GAP43: variants seen among roughly 807,000 people sequenced by gnomAD.
GAP43 encodes the protein growth associated protein 43.
Under a neutral mutation model 18.6 loss-of-function variants are expected in GAP43, and 6 were observed. The ratio of observed to expected loss-of-function variants is 0.32; its 90% CI spans 0.18 to 0.64. The LOEUF is 0.64. Among genes scored for constraint, GAP43 ranks in the 30% least tolerant of loss-of-function variants. The pLI, the probability that GAP43 is intolerant of heterozygous loss-of-function variation, is 0.78. For synonymous variants in GAP43, 115 were observed against 111.4 expected (o/e 1.03, Z -0.20); for missense variants, 292 against 295.5 (o/e 0.99, Z 0.09).
rs766183010 is a variant in GAP43 at position 115,676,227 on chromosome 3, G to C, written c.245G>C (p.Gly82Ala). 1.2e-6 allele frequency: 2 copies of C among 1,614,188 alleles called. No individual in the cohort carries two copies. The highest frequency in any genetic ancestry group is 3.3e-5 in the Admixed American group (2 of 60,032). ...APVADGVEKKGEGTTTAEAAP... is the reference protein window; with the variant it reads ...APVADGVEKKAEGTTTAEAAP... ...GTTGCCGATGGGGTGGAGAAGAAGGGAGAAGGCACCACTACTGCCGAAGCA... is the reference window on the plus strand; with the variant it reads ...GTTGCCGATGGGGTGGAGAAGAAGGCAGAAGGCACCACTACTGCCGAAGCA... The change falls in exon 2 of 3, where the codon GGA (glycine) becomes GCA (alanine). Residue 82 changes from glycine to alanine, a missense_variant. Gly to Ala is a moderately conservative substitution (Grantham distance 60). Transcript: ENST00000305124.
In GAP43 at chr3:115,646,849, C is replaced by G. The variant is rs1576981035; in HGVS notation, c.30+23130C>G. Among the ~76,000 whole-genome samples, 6 of 152,050 alleles carry G rather than the reference C, an allele frequency of 3.9e-5. No homozygotes were observed. In the South Asian group the frequency reaches 1.2e-3, roughly 32 times the overall value. ...TGTCAGAAACCCTCTTCTCACTTCA[C>G]TTTATATATTAAGTATCTCTTTTCA... is the stretch of plus-strand genomic sequence containing the variant. On this transcript the variant is annotated intron_variant, in intron 1 of 2. Transcript: ENST00000305124.
chr3:115,701,635 G>C (rs1376266184), intron 2 of GAP43, among the ~76,000 whole-genome samples: 1 of 151,978 alleles, frequency 6.6e-6, no homozygotes, highest in Non-Finnish European at 1.5e-5. Flanking sequence ...AGGCTGTATT[G>C]TTGGCTGACA....
At chr3:115,709,519 T>G (rs1709407902) in intron 2 of GAP43, among the ~76,000 whole-genome samples, 1 of 152,230 alleles carries the variant, frequency 6.6e-6, no homozygotes, top group Non-Finnish European at 1.5e-5. Flanking sequence ...AAACTTCTTT[T>G]CAGAGTGTTA....
Position 115,676,131 on chromosome 3 carries a change from A to C in GAP43, c.149A>C (p.Lys50Thr). 6.2e-7 allele frequency: 1 copy of C among 1,614,190 alleles called. No individual in the cohort carries two copies. Among genetic ancestry groups the C allele is most frequent in the Non-Finnish European group, 8.5e-7 (1 of 1,180,030 alleles). ...TTCCGTGGACACATAACAAGGAAAA[A>C]GCTCAAAGGAGAGAAGAAGGATGAT... ...ASFRGHITRK[K>T]LKGEKKDDVQ... The change falls in exon 2 of 3, where the codon AAG becomes ACG. Residue 50 changes from lysine (K) to threonine (T), a missense_variant. Lys to Thr is a moderately conservative substitution (Grantham distance 78). Coordinates refer to ENST00000305124, the MANE Select transcript of GAP43 (RefSeq NM_002045.4).
rs998714115 is a variant in GAP43 at position 115,647,153 on chromosome 3, C to A, written c.30+23434C>A. 2.8e-5 allele frequency among the ~76,000 whole-genome samples: 4 copies of A among 142,034 alleles called. No individual in the cohort carries two copies. The Admixed American group carries it at 2.9e-4, about 10-fold the overall frequency. The allele number at this position is 142,034 out of a possible 152,430, so 93.2% of individuals were successfully genotyped here. A position where few individuals can be genotyped will look rare whatever the true frequency, so the allele number is the denominator to read the frequency against. ...GAAGCCCTTATGAATGGGATTAGTG[C>A]CCTTTTAAAGAGACCCCATAGAGCT... is the stretch of plus-strand genomic sequence containing the variant. On this transcript the variant is annotated intron_variant, in intron 1 of 2. Transcript: ENST00000305124.
chr3:115,710,976 C>T (rs1238464189), intron 2 of GAP43, among the ~76,000 whole-genome samples: 1 of 152,104 alleles, frequency 6.6e-6, no homozygotes, highest in Non-Finnish European at 1.5e-5. Context: ...ATGTCATCTG[C>T]CCCAGTCTCC....
Position 115,690,602 on chromosome 3 carries a change from T to C in GAP43, c.628+13992T>C, listed in dbSNP as rs182028733. ...GTGATGAGGATTTAATGAGGTAACA[T>C]ATTTAAAGAACCAGGTATAGAGTAG... On this transcript the variant is annotated intron_variant, in intron 2 of 2. Coordinates refer to ENST00000305124, the MANE Select transcript of GAP43 (RefSeq NM_002045.4). Among the ~76,000 whole-genome samples the C allele has an allele frequency of 3.8e-3, 574 of 152,228 alleles. 3 individuals are homozygous for C. Among genetic ancestry groups the C allele is most frequent in the African/African-American group, 0.013 (533 of 41,532 alleles).
chr3:115,690,728 GCA>G (rs1709098803), intron 2 of GAP43, among the ~76,000 whole-genome samples: 1 of 149,608 alleles, frequency 6.7e-6, no homozygotes, highest in Non-Finnish European at 1.5e-5. Context: ...GATCCTCTGG[GCA>G]AATCTTTTTT....
intron 2 of GAP43, among the ~76,000 whole-genome samples, chr3:115,716,714 AC>A (rs1709506976): frequency 3.1e-5 from 2 of 63,998 alleles, no homozygotes; most frequent in Non-Finnish European, 6.3e-5. Flanking sequence ...TTAATCTCAG[AC>A]AAATATATAT....
intron 1 of GAP43, among the ~76,000 whole-genome samples, chr3:115,650,981 A>C (rs1708513497): frequency 6.6e-6 from 1 of 152,102 alleles, no homozygotes; most frequent in Non-Finnish European, 1.5e-5. Flanking sequence ...AAAATAAAAA[A>C]ATTAGCTGGG....
At chr3:115,715,129 GTCACC>G (rs1709488348) in intron 2 of GAP43, among the ~76,000 whole-genome samples, 1 of 152,056 alleles carries the variant, frequency 6.6e-6, no homozygotes, top group South Asian at 2.1e-4. Flanking sequence ...TCCTAATGCC[GTCACC>G]TTAGGGGGTT....
intron 1 of GAP43, among the ~76,000 whole-genome samples, chr3:115,634,543 A>G (rs796446518): frequency 3.9e-5 from 6 of 152,246 alleles, no homozygotes; most frequent in African/African-American, 1.4e-4. Context: ...CGGGAGGCTG[A>G]GGCTGGAAGA....
intron 1 of GAP43, among the ~76,000 whole-genome samples, chr3:115,668,524 A>G (rs952305886): frequency 6.6e-6 from 1 of 152,126 alleles, no homozygotes; most frequent in Non-Finnish European, 1.5e-5. Context: ...TCCTGGGTTC[A>G]AGCAATTCTC....
chr3:115,654,760 C>T (rs1332251761), intron 1 of GAP43, among the ~76,000 whole-genome samples: 1 of 152,112 alleles, frequency 6.6e-6, no homozygotes, highest in Non-Finnish European at 1.5e-5. Context: ...TAATTATATC[C>T]ACTGCTGCAA....
Position 115,697,051 on chromosome 3 carries a change from A to T in GAP43, c.628+20441A>T, listed in dbSNP as rs148547529. 5.9e-4 allele frequency among the ~76,000 whole-genome samples: 90 copies of T among 151,924 alleles called. 1 individual carries two copies. The highest frequency in any genetic ancestry group is 2.2e-3 in the African/African-American group (90 of 41,436). The stretch of plus-strand genomic sequence containing the variant: ...ATGGGGCTCCACCATATTGGTCAGG[A>T]TGGTCTCAAACTCCTGACCTCAAGT... On this transcript the variant is annotated intron_variant, in intron 2 of 2. Coordinates refer to ENST00000305124, the MANE Select transcript of GAP43 (RefSeq NM_002045.4).
At chr3:115,696,242 C>T (rs1404368235) in intron 2 of GAP43, among the ~76,000 whole-genome samples, 1 of 152,034 alleles carries the variant, frequency 6.6e-6, no homozygotes, top group African/African-American at 2.4e-5. Flanking sequence ...GAACTTACTC[C>T]TTCTCCCGTC....
At chr3:115,639,219 A>T (rs1483126066) in intron 1 of GAP43, among the ~76,000 whole-genome samples, 1 of 152,168 alleles carries the variant, frequency 6.6e-6, no homozygotes, top group African/African-American at 2.4e-5. Flanking sequence ...CACAGAGCTA[A>T]GACCATACAG....
chr3:115,646,841 T>G (rs1039063740), intron 1 of GAP43, among the ~76,000 whole-genome samples: 10 of 151,974 alleles, frequency 6.6e-5, no homozygotes, highest in Non-Finnish European at 4.4e-5. Flanking sequence ...AACCCTCTTC[T>G]CACTTCACTT....
chr3:115,646,535 G>T (rs562974758), intron 1 of GAP43, among the ~76,000 whole-genome samples: 1 of 152,064 alleles, frequency 6.6e-6, no homozygotes, highest in Non-Finnish European at 1.5e-5. Flanking sequence ...AACAGGATAG[G>T]TGGGGGTTCA....
Sources: allele counts gnomAD v4.1 joint callset (sites outside exome capture counted in the v4.1 genomes callset), GRCh38; gene constraint gnomAD v4.1.1; transcripts MANE v1.5; gene names NCBI Gene and HGNC (gene_info 2026-07-23, HGNC 2026-07-21).